The following CYP2C18 variants were observed in gnomAD, a reference collection of about 807,000 sequenced individuals.
CYP2C18 encodes the protein cytochrome P450 family 2 subfamily C member 18.
Under a neutral mutation model 41.3 loss-of-function variants are expected in CYP2C18, and 38 were observed. The ratio of observed to expected loss-of-function variants is 0.92; its 90% CI spans 0.71 to 1.21. The LOEUF is 1.21. Ranked by LOEUF, CYP2C18 falls within the 50% of genes most tolerant of loss-of-function variation. The pLI, the probability that CYP2C18 is intolerant of heterozygous loss-of-function variation, is 0.00. For missense variants in CYP2C18, 635 were observed against 591.4 expected (o/e 1.07, Z -0.77); for synonymous variants, 236 against 210.0 (o/e 1.12, Z -1.07).
At chr10:94,721,022 CT>C (rs908942483) in intron 6 of CYP2C18, among the ~76,000 whole-genome samples, 12 of 150,984 alleles carry the variant, frequency 7.9e-5, no homozygotes, top group Non-Finnish European at 8.9e-5. Flanking sequence ...TTCTTTCTTT[CT>C]TTTTTTTTGA....
At chr10:94,709,330 C>G (rs1847395287) in intron 5 of CYP2C18, among the ~76,000 whole-genome samples, 1 of 152,076 alleles carries the variant, frequency 6.6e-6, no homozygotes, top group African/African-American at 2.4e-5. Context: ...TGAGGTGGTT[C>G]CATGTGGTTT....
At chr10:94,699,119 A>T (rs923911727) in intron 4 of CYP2C18, among the ~76,000 whole-genome samples, 1 of 152,210 alleles carries the variant, frequency 6.6e-6, no homozygotes, top group Non-Finnish European at 1.5e-5. Flanking sequence ...ATCCTCCCTA[A>T]TGCATTTGGT....
Position 94,695,088 on chromosome 10 carries a change from G to A in CYP2C18, c.642+11G>A, listed in dbSNP as rs755379061. On this transcript the variant is annotated intron_variant, in intron 4 of 8. Coordinates refer to ENST00000285979, the MANE Select transcript of CYP2C18 (RefSeq NM_000772.3). ...TCTCCATGGATCCAGGTGAGATCAA[G>A]AGCTTCTCTTCCTGAGATATTATTT... 6.9e-6 allele frequency: 11 copies of A among 1,590,724 alleles called. No individual in the cohort carries two copies. In the South Asian group the frequency reaches 8.1e-5, roughly 12 times the overall value.
intron 3 of CYP2C18, among the ~76,000 whole-genome samples, chr10:94,693,890 A>T (rs2134179495): frequency 1.3e-5 from 2 of 152,266 alleles, no homozygotes; most frequent in Admixed American, 1.3e-4. Context: ...TTGCCCTTAC[A>T]TTTCAGTATG....
intron 4 of CYP2C18, 49 bp downstream of exon 4, chr10:94,695,126 C>T: frequency 6.7e-7 from 1 of 1,499,172 alleles, no homozygotes; most frequent in Non-Finnish European, 9.0e-7. Context: ...GTTATTTTAT[C>T]AGACAGTCCA....
At chr10:94,703,366 GGAAGAGGTGGTTTTATCTATA>G (rs1297673865) in intron 4 of CYP2C18, among the ~76,000 whole-genome samples, 1 of 152,206 alleles carries the variant, frequency 6.6e-6, no homozygotes, top group East Asian at 1.9e-4. Context: ...CTCTGTCCTA[GGAAGAGGTGGTTTTATCTATA>G]GTCCCCTACT....
At chr10:94,688,369 T>C in intron 3 of CYP2C18, 95 bp downstream of exon 3, 1 of 1,413,662 alleles carries the variant, frequency 7.1e-7, no homozygotes. Context: ...ATTTATGGGG[T>C]ACATGTAATA....
chr10:94,731,592 A>G (rs945791627), intron 7 of CYP2C18, among the ~76,000 whole-genome samples: 1 of 152,188 alleles, frequency 6.6e-6, no homozygotes, highest in Non-Finnish European at 1.5e-5. Flanking sequence ...AGTAACCAAA[A>G]TAGCGTAGTA....
chr10:94,724,881 T>C (rs1847712820), intron 7 of CYP2C18, among the ~76,000 whole-genome samples: 1 of 151,966 alleles, frequency 6.6e-6, no homozygotes, highest in Non-Finnish European at 1.5e-5. Flanking sequence ...AATCTTTAGA[T>C]CAATTTAGAA....
chr10:94,691,603 G>A, intron 3 of CYP2C18, among the ~76,000 whole-genome samples: 1 of 152,212 alleles, frequency 6.6e-6, no homozygotes, highest in African/African-American at 2.4e-5. Context: ...ACCACCCAAG[G>A]TAATTTATAG....
At chr10:94,692,538 T>G (rs1847022546) in intron 3 of CYP2C18, among the ~76,000 whole-genome samples, 1 of 152,102 alleles carries the variant, frequency 6.6e-6, no homozygotes, top group African/African-American at 2.4e-5. Flanking sequence ...CTGGAGAGGA[T>G]GTGGAGAAAT....
chr10:94,694,769 A>C (rs1847081017), intron 3 of CYP2C18, 148 bp from the exon 4 acceptor site: 1 of 854,344 alleles, frequency 1.2e-6, no homozygotes, highest in African/African-American at 1.7e-5. Context: ...TGAGGTATTA[A>C]ATTTCAATAT....
In CYP2C18 at chr10:94,698,655, A is replaced by T. The variant is rs544718215; in HGVS notation, c.642+3578A>T. ...CAGAGCAGAACTGAAGGAGATAGAG[A>T]TGCAAAAAACCCTTCAAAAAATCAA... On this transcript the variant is annotated intron_variant, in intron 4 of 8. Transcript: ENST00000285979. 1.4e-3 allele frequency among the ~76,000 whole-genome samples: 216 copies of T among 151,292 alleles called. 1 individual carries two copies. Among genetic ancestry groups the T allele is most frequent in the African/African-American group, 5.0e-3 (204 of 41,108 alleles).
At chr10:94,718,719 G>A (rs373252431) in intron 5 of CYP2C18, among the ~76,000 whole-genome samples, 167 of 152,224 alleles carry the variant, frequency 1.1e-3, no homozygotes, top group African/African-American at 3.9e-3. Flanking sequence ...GATCCCAGAG[G>A]ATTAAACCTC....
chr10:94,735,716 T>A lies in CYP2C18; in HGVS notation c.*272T>A. 2.4e-6 allele frequency: 1 copy of A among 411,658 alleles called. No individual in the cohort carries two copies. Among genetic ancestry groups the A allele is most frequent in the Non-Finnish European group, 4.4e-6 (1 of 229,048 alleles). The allele number at this position is 411,658 out of a possible 1,614,324, so 25.5% of individuals were successfully genotyped here. ...CCTATCTACTGCTGAGTTGTCAGTATGTTATCACTAGAAAACAAAGAAAAA... is the reference window on the plus strand; with the variant it reads ...CCTATCTACTGCTGAGTTGTCAGTAAGTTATCACTAGAAAACAAAGAAAAA... On this transcript the variant is annotated 3_prime_UTR_variant, in exon 9 of 9. Coordinates refer to ENST00000285979, the MANE Select transcript of CYP2C18 (RefSeq NM_000772.3).
At position 94,735,441 on chromosome 10, in the gene CYP2C18, C is replaced by T. The variant is rs766476494; in HGVS notation, c.1470C>T (p.Val490=). The T allele has an allele frequency of 7.4e-6, 12 of 1,613,268 alleles. No homozygotes were observed. The highest frequency in any genetic ancestry group is 1.0e-5 in the Non-Finnish European group (12 of 1,179,486). ...TGTACCAGCTCTGCTTCATTCCTGT[C>T]TGAAGAAGGGCAGATAGTTTGGCTG... ...PPLYQLCFIP[V] Residue 490 remains valine (V), a synonymous_variant, in exon 9 of 9, where the codon GTC becomes GTT. Transcript: ENST00000285979.
intron 4 of CYP2C18, among the ~76,000 whole-genome samples, chr10:94,701,794 C>T (rs1322085144): frequency 6.6e-6 from 1 of 152,004 alleles, no homozygotes; most frequent in East Asian, 1.9e-4. Context: ...ATGAGCCTGA[C>T]CTAAACAGCA....
rs1434904581 is a variant in CYP2C18 at position 94,724,458 on chromosome 10, C to T, written c.1074C>T (p.Tyr358=). ...TDAVVHEIQR[Y]IDLLPTNLPH... is the part of the protein sequence containing the mutation. ...CTGTGGTGCACGAGATCCAGAGATA[C>T]ATTGACCTCCTCCCCACCAACCTGC... Residue 358 remains tyrosine (Y), a synonymous_variant, in exon 7 of 9, where the codon TAC becomes TAT. Coordinates refer to ENST00000285979, the MANE Select transcript of CYP2C18 (RefSeq NM_000772.3). 1 of 1,613,614 alleles carries T rather than the reference C, an allele frequency of 6.2e-7. No homozygotes were observed. Among genetic ancestry groups the T allele is most frequent in the Non-Finnish European group, 8.5e-7 (1 of 1,179,732 alleles).
At chr10:94,718,250 G>T (rs1291214521) in intron 5 of CYP2C18, among the ~76,000 whole-genome samples, 2 of 151,810 alleles carry the variant, frequency 1.3e-5, no homozygotes, top group African/African-American at 2.4e-5. Flanking sequence ...CATATCATTT[G>T]TTGTTAATGT....
Sources: allele counts gnomAD v4.1 joint callset (sites outside exome capture counted in the v4.1 genomes callset), GRCh38; gene constraint gnomAD v4.1.1; transcripts MANE v1.5; gene names NCBI Gene and HGNC (gene_info 2026-07-23, HGNC 2026-07-21).